RASSF2: variants seen among roughly 807,000 people sequenced by gnomAD.
RASSF2 encodes Ras association domain family member 2, also known as ras association domain-containing protein 2.
A neutral mutation model predicts 46.3 loss-of-function variants in RASSF2; 34 were observed. The observed-to-expected ratio is 0.73, with a 90% CI of 0.56 to 0.98. The LOEUF (loss-of-function observed/expected upper bound fraction) is 0.98. RASSF2 is among the 50% of genes least tolerant of loss of function. RASSF2 has a pLI of 0.00. For synonymous variants in RASSF2, 158 were observed against 162.5 expected, an observed-to-expected ratio of 0.97 and a Z score of 0.21; for missense variants, 364 against 431.2, an observed-to-expected ratio of 0.84 and a Z score of 1.38.
intron 2 of RASSF2, among the ~76,000 whole-genome samples, chr20:4,814,932 G>C (rs185392553): frequency 1.3e-5 from 2 of 152,182 alleles, no homozygotes; most frequent in South Asian, 4.1e-4. Flanking sequence ...GCTCCTCCAC[G>C]TGGCCCGCAG....
chr20:4,792,028 A>T (rs1925920377), intron 6 of RASSF2, among the ~76,000 whole-genome samples: 2 of 152,124 alleles, frequency 1.3e-5, no homozygotes, highest in African/African-American at 4.8e-5. Flanking sequence ...AGGCGGGCAG[A>T]TCACTTGAAG....
intron 2 of RASSF2, among the ~76,000 whole-genome samples, chr20:4,810,204 G>C (rs1279677760): frequency 6.6e-6 from 1 of 152,176 alleles, no homozygotes; most frequent in Non-Finnish European, 1.5e-5. Context: ...CCCAAGCTCT[G>C]GACCAGCTGA....
At position 4,784,160 on chromosome 20, in the gene RASSF2, A is replaced by G. The variant is rs1601076209; in HGVS notation, c.*113T>C. The G allele has an allele frequency of 9.2e-7, 1 of 1,089,818 alleles. No individual in the cohort carries two copies. The highest frequency in any genetic ancestry group is 1.4e-6 in the Non-Finnish European group (1 of 717,900). The allele number at this position is 1,089,818 out of a possible 1,614,324, so 67.5% of individuals were successfully genotyped here. A position where few individuals can be genotyped will look rare whatever the true frequency, so the allele number is the denominator to read the frequency against. Reference sequence around the variant, plus strand: ...AGGTAGCAAATGATGGCTTGGCCGGAGCTGGGGAGGTTTGTGTCTAAATGT... The same window carrying G: ...AGGTAGCAAATGATGGCTTGGCCGGGGCTGGGGAGGTTTGTGTCTAAATGT... On this transcript the variant is annotated 3_prime_UTR_variant, in exon 12 of 12. Coordinates refer to ENST00000379400, the MANE Select transcript of RASSF2 (RefSeq NM_014737.3).
rs1925046286 is a variant in RASSF2, at chr20:4,783,853, T to C, written c.*420A>G. The C allele has an allele frequency of 6.1e-6, 1 of 163,334 alleles. No homozygotes were observed. The allele number at this position is 163,334 out of a possible 1,614,324, so 10.1% of individuals were successfully genotyped here. On this transcript the variant is annotated 3_prime_UTR_variant, in exon 12 of 12. Transcript: ENST00000379400. ...CCTGGCACTTGAGAGGAGAAATCTT[T>C]CCTTCAACCTAAATACCACTCAGAT...
Position 4,782,267 on chromosome 20 carries a change from C to T in RASSF2, c.*2006G>A, listed in dbSNP as rs573875223. 10 of 152,724 alleles carry T rather than the reference C, an allele frequency of 6.5e-5. No homozygotes were observed. The East Asian group carries it at 1.9e-3, about 29-fold the overall frequency. The allele number at this position is 152,724 out of a possible 1,614,324, so 9.5% of individuals were successfully genotyped here. ...AGTTTGCTTTGTGGAAATTCTTCTC[C>T]CAAGTCCTCCAAGGAGAATTACTGG... On this transcript the variant is annotated 3_prime_UTR_variant, in exon 12 of 12. Coordinates refer to ENST00000379400, the MANE Select transcript of RASSF2 (RefSeq NM_014737.3).
intron 3 of RASSF2, 101 bp downstream of exon 3, chr20:4,800,871 A>C (rs1926804939): frequency 2.1e-6 from 2 of 973,634 alleles, no homozygotes; most frequent in Admixed American, 3.6e-5. Flanking sequence ...CACCAGTCTG[A>C]TATACAGTGG....
intron 2 of RASSF2, 79 bp from the exon 3 acceptor site, chr20:4,801,141 G>C: frequency 1.8e-6 from 2 of 1,138,500 alleles, no homozygotes; most frequent in Non-Finnish European, 1.3e-6. Context: ...GTGGGGAGGG[G>C]GCACAAAATT....
At chr20:4,804,029 G>C (rs1362452224) in intron 2 of RASSF2, among the ~76,000 whole-genome samples, 1 of 152,128 alleles carries the variant, frequency 6.6e-6, no homozygotes, top group Non-Finnish European at 1.5e-5. Context: ...CTGCACTCTA[G>C]CCTGGTCGAC....
At chr20:4,801,212 G>A (rs929000403) in intron 2 of RASSF2, 150 bp from the exon 3 acceptor site, 1 of 624,296 alleles carries the variant, frequency 1.6e-6, no homozygotes, top group South Asian at 1.9e-5. Flanking sequence ...ACCCAAGGCT[G>A]TGAGGGGCAA....
intron 2 of RASSF2, among the ~76,000 whole-genome samples, chr20:4,807,779 A>G (rs1184971328): frequency 6.6e-6 from 1 of 152,160 alleles, no homozygotes; most frequent in Non-Finnish European, 1.5e-5. Flanking sequence ...ATTTCTTGGG[A>G]AAAAAGTGTT....
intron 2 of RASSF2, among the ~76,000 whole-genome samples, chr20:4,804,814 AT>A (rs1927208396): frequency 6.6e-6 from 1 of 152,042 alleles, no homozygotes; most frequent in South Asian, 2.1e-4. Context: ...AACAAGGCAC[AT>A]GGTGCAGGAG....
intron 1 of RASSF2, among the ~76,000 whole-genome samples, chr20:4,822,946 G>T (rs2281642): frequency 0.36 from 54,689 of 152,088 alleles, 11,794 homozygotes; most frequent in East Asian, 0.48. Flanking sequence ...CCCGGGGATG[G>T]GGTGGGAGCG....
rs537443797 is a variant in RASSF2 at position 4,802,148 on chromosome 20, T to A, written c.-32-1086A>T. ...GTGCAGTGGCATGACCATAGCTCAC[T>A]GCAGCCTCAAATCCCTGGGCTCCCT... is the stretch of plus-strand genomic sequence containing the variant. On this transcript the variant is annotated intron_variant, in intron 2 of 11. Coordinates refer to ENST00000379400, the MANE Select transcript of RASSF2 (RefSeq NM_014737.3). 1.7e-4 allele frequency among the ~76,000 whole-genome samples: 26 copies of A among 152,044 alleles called. 1 individual carries two copies. The South Asian group carries it at 5.4e-3, about 32-fold the overall frequency.
intron 4 of RASSF2, among the ~76,000 whole-genome samples, chr20:4,796,210 T>C (rs752777867): frequency 5.3e-5 from 8 of 152,228 alleles, no homozygotes; most frequent in Non-Finnish European, 1.2e-4. Flanking sequence ...TTCAAATACA[T>C]AGGTATAAAT....
At chr20:4,793,934 G>A (rs894582606) in intron 5 of RASSF2, among the ~76,000 whole-genome samples, 11 of 152,246 alleles carry the variant, frequency 7.2e-5, no homozygotes, top group Non-Finnish European at 1.0e-4. Context: ...AGAAGCAGGC[G>A]GACCGAAGGA....
At chr20:4,798,140 G>T in intron 3 of RASSF2, 55 bp from the exon 4 acceptor site, 1 of 1,602,800 alleles carries the variant, frequency 6.2e-7, no homozygotes. Context: ...CACTTATAAT[G>T]CAGTTGTTCC....
chr20:4,800,414 C>T (rs1426534737), intron 3 of RASSF2, among the ~76,000 whole-genome samples: 1 of 152,162 alleles, frequency 6.6e-6, no homozygotes, highest in African/African-American at 2.4e-5. Flanking sequence ...ATTCATTTCT[C>T]ACAGCTCTGG....
chr20:4,805,447 TG>T (rs543695837), intron 2 of RASSF2, among the ~76,000 whole-genome samples: 64 of 152,222 alleles, frequency 4.2e-4, no homozygotes, highest in Non-Finnish European at 6.6e-4. Flanking sequence ...GAGCCCCTGG[TG>T]CGAGCAGAGC....
At chr20:4,810,222 C>T (rs2423027) in intron 2 of RASSF2, among the ~76,000 whole-genome samples, 57,593 of 152,032 alleles carry the variant, frequency 0.38, 11,192 homozygotes, top group Admixed American at 0.5. Context: ...TGAAGCCCTG[C>T]AGCAGTTGCA....
Sources: gnomAD v4.1 joint callset for allele counts (sites outside exome capture counted in the v4.1 genomes callset) on GRCh38, gnomAD v4.1.1 for gene constraint, MANE v1.5 for transcripts, NCBI Gene and HGNC (gene_info 2026-07-23, HGNC 2026-07-21) for gene names.